DOCK3: variants seen among roughly 807,000 people sequenced by gnomAD.
DOCK3 encodes the protein dedicator of cytokinesis 3, also known as dedicator of cytokinesis protein 3.
A neutral mutation model predicts 265.6 loss-of-function variants in DOCK3; 60 were observed. That is an observed-to-expected ratio of 0.23 (90% CI 0.18 to 0.28). The LOEUF (loss-of-function observed/expected upper bound fraction) is 0.28. DOCK3 is among the 10% of genes least tolerant of loss of function. The pLI is 1.00. For missense variants in DOCK3, 1,981 were observed against 2,594.3 expected (o/e 0.76, Z 5.14); for synonymous variants, 881 against 938.0 (o/e 0.94, Z 1.11).
intron 14 of DOCK3, among the ~76,000 whole-genome samples, chr3:51,218,407 C>T (rs762992804): frequency 1.3e-5 from 2 of 152,152 alleles, no homozygotes; most frequent in African/African-American, 2.4e-5. Flanking sequence ...GCACTCCAGC[C>T]TGTGTGACAG....
intron 32 of DOCK3, among the ~76,000 whole-genome samples, 195 bp from the exon 33 acceptor site, chr3:51,329,943 G>A (rs997548430): frequency 5.9e-5 from 9 of 152,184 alleles, no homozygotes; most frequent in African/African-American, 1.9e-4. Context: ...CCATTAGGGT[G>A]GGAGGCCTTT....
intron 1 of DOCK3, among the ~76,000 whole-genome samples, chr3:50,699,908 A>G (rs912198728): frequency 2.0e-5 from 3 of 152,204 alleles, no homozygotes; most frequent in Admixed American, 6.6e-5. Flanking sequence ...CATGCATACA[A>G]TGTTTACTGA....
At chr3:50,878,169 G>A (rs375320580) in intron 3 of DOCK3, among the ~76,000 whole-genome samples, 2 of 152,108 alleles carry the variant, frequency 1.3e-5, no homozygotes, top group African/African-American at 4.8e-5. Context: ...CCAAGATGGG[G>A]AGAAACCAGA....
intron 1 of DOCK3, among the ~76,000 whole-genome samples, chr3:50,751,248 A>G (rs1220385885): frequency 6.6e-6 from 1 of 151,790 alleles, no homozygotes; most frequent in African/African-American, 2.4e-5. Flanking sequence ...TGTGACATAA[A>G]AAGAATGGAC....
intron 2 of DOCK3, among the ~76,000 whole-genome samples, chr3:50,839,492 C>T (rs1443653718): frequency 2.0e-5 from 3 of 152,104 alleles, no homozygotes; most frequent in Non-Finnish European, 4.4e-5. Flanking sequence ...ACATCTTCAT[C>T]AGCATTTGGT....
intron 3 of DOCK3, among the ~76,000 whole-genome samples, chr3:50,864,178 G>A (rs1039468931): frequency 1.1e-4 from 16 of 152,014 alleles, no homozygotes; most frequent in African/African-American, 3.9e-4. Flanking sequence ...TCTCATTGTA[G>A]TTTTTATTTA....
At chr3:50,937,122 GA>G (rs888640648) in intron 5 of DOCK3, among the ~76,000 whole-genome samples, 2 of 151,154 alleles carry the variant, frequency 1.3e-5, no homozygotes, top group Non-Finnish European at 3.0e-5. Context: ...ACTAAAAATA[GA>G]AAAATTAGCT....
At chr3:51,052,253 C>T (rs1194961362) in intron 5 of DOCK3, among the ~76,000 whole-genome samples, 1 of 152,072 alleles carries the variant, frequency 6.6e-6, no homozygotes, top group African/African-American at 2.4e-5. Flanking sequence ...TGCCCGTAAT[C>T]CCAGCACTTT....
intron 5 of DOCK3, among the ~76,000 whole-genome samples, chr3:50,997,418 A>G (rs1048408093): frequency 1.3e-5 from 2 of 152,276 alleles, no homozygotes; most frequent in African/African-American, 4.8e-5. Context: ...GGAAGTATAT[A>G]TATATTTAAA....
intron 4 of DOCK3, among the ~76,000 whole-genome samples, chr3:50,913,276 G>T (rs2049955074): frequency 6.6e-6 from 1 of 152,068 alleles, no homozygotes; most frequent in Non-Finnish European, 1.5e-5. Flanking sequence ...GACCTGGAAA[G>T]GGGACCTTGT....
intron 8 of DOCK3, 97 bp from the exon 9 acceptor site, chr3:51,090,133 A>G: frequency 8.1e-7 from 1 of 1,238,844 alleles, no homozygotes; most frequent in Non-Finnish European, 1.1e-6. Context: ...CTCCTTCAGT[A>G]GTGTGAAAAG....
At chr3:51,073,975 A>C (rs1042111152) in intron 6 of DOCK3, among the ~76,000 whole-genome samples, 1 of 152,210 alleles carries the variant, frequency 6.6e-6, no homozygotes, top group African/African-American at 2.4e-5. Context: ...ATTGTAAATG[A>C]ATCTGAATTT....
intron 10 of DOCK3, among the ~76,000 whole-genome samples, chr3:51,153,460 C>T (rs1252785014): frequency 6.6e-6 from 1 of 152,208 alleles, no homozygotes; most frequent in African/African-American, 2.4e-5. Flanking sequence ...CATTGCACTT[C>T]CCAGGTGAAG....
At chr3:50,785,607 A>G (rs1383898177) in intron 2 of DOCK3, among the ~76,000 whole-genome samples, 1 of 152,218 alleles carries the variant, frequency 6.6e-6, no homozygotes, top group African/African-American at 2.4e-5. Flanking sequence ...TATGTAGTAT[A>G]TCACGTTTAT....
At chr3:50,690,384 T>C (rs1300902445) in intron 1 of DOCK3, among the ~76,000 whole-genome samples, 1 of 152,068 alleles carries the variant, frequency 6.6e-6, no homozygotes, top group Non-Finnish European at 1.5e-5. Context: ...CCCTTCTACC[T>C]TGGCCTCCCA....
intron 5 of DOCK3, among the ~76,000 whole-genome samples, chr3:51,013,672 C>T (rs189140799): frequency 9.8e-5 from 15 of 152,296 alleles, no homozygotes; most frequent in Admixed American, 5.2e-4. Flanking sequence ...AGAGCTGAAA[C>T]GCCATGCTGG....
chr3:51,266,482 T>C (rs1021259651), intron 23 of DOCK3, among the ~76,000 whole-genome samples: 6 of 152,100 alleles, frequency 3.9e-5, no homozygotes, highest in South Asian at 2.1e-4. Flanking sequence ...AAAACAGATA[T>C]ATAGACGAAT....
chr3:51,359,692 G>A lies in DOCK3; in HGVS notation c.4885-819G>A, dbSNP rs78873418. Among the ~76,000 whole-genome samples the A allele has an allele frequency of 0.024, 3,715 of 152,288 alleles. 77 individuals carry two copies. The highest frequency in any genetic ancestry group is 0.033 in the Non-Finnish European group (2,232 of 68,022). The stretch of plus-strand genomic sequence containing the variant: ...TTTCCTATATACATCACGTTCTTCC[G>A]TGTGCACACATAGCCTTTCTCCAGC... On this transcript the variant is annotated intron_variant, in intron 46 of 52. Coordinates refer to ENST00000266037, the MANE Select transcript of DOCK3 (RefSeq NM_004947.5). This position sits in a 1 kb window ranked among gnomAD's most constrained non-coding sequence, Gnocchi z 4.8.
chr3:51,173,426 T>C (rs2086788187), intron 12 of DOCK3, among the ~76,000 whole-genome samples: 1 of 152,186 alleles, frequency 6.6e-6, no homozygotes, highest in East Asian at 1.9e-4. Flanking sequence ...CCCAGCTGAG[T>C]TACATACTCT....
Sources: allele counts gnomAD v4.1 joint callset (sites outside exome capture counted in the v4.1 genomes callset), GRCh38; gene constraint gnomAD v4.1.1; non-coding constraint Gnocchi (gnomAD v3.1); transcripts MANE v1.5; gene names NCBI Gene and HGNC (gene_info 2026-07-23, HGNC 2026-07-21).